Variants in PEX39 observed in about 807,000 individuals in gnomAD.
PEX39 encodes peroxin-39.
chr6:42,890,511 G>A, the PEX39 span: 1 of 1,552,984 alleles, frequency 6.4e-7, no homozygotes, highest in South Asian at 1.2e-5. Context: ...CCATGAAGAA[G>A]GCGCAGTCGC....
the PEX39 span, chr6:42,890,389 G>A: frequency 8.0e-7 from 1 of 1,256,864 alleles, no homozygotes; most frequent in Non-Finnish European, 1.1e-6. Context: ...AGTTGAGACA[G>A]GTCAGGACGA....
At chr6:42,890,624 C>A in the PEX39 span, 1 of 1,612,506 alleles carries the variant, frequency 6.2e-7, no homozygotes, top group Non-Finnish European at 8.5e-7. Context: ...TGGGCCTCCG[C>A]GGCAGCCGGG....
the PEX39 span, chr6:42,890,382 T>C: frequency 8.4e-7 from 1 of 1,187,072 alleles, no homozygotes; most frequent in Non-Finnish European, 1.1e-6. Flanking sequence ...CAAGTCTAGT[T>C]GAGACAGGTC....
the PEX39 span, chr6:42,890,774 G>A: frequency 2.5e-6 from 4 of 1,591,320 alleles, no homozygotes; most frequent in South Asian, 3.4e-5. Flanking sequence ...ATTGGGGACT[G>A]CGGGGACGCT....
chr6:42,890,644 G>T, the PEX39 span: 1 of 1,612,712 alleles, frequency 6.2e-7, no homozygotes, highest in South Asian at 1.1e-5. Context: ...GACGCTGTGG[G>T]TTCGCCGTGG....
chr6:42,890,346 C>T, the PEX39 span: 13 of 746,380 alleles, frequency 1.7e-5, no homozygotes, highest in East Asian at 2.9e-4. Flanking sequence ...AATGTAAATG[C>T]AAAACCCCCA....
chr6:42,890,604 T>A, the PEX39 span: 1 of 1,612,004 alleles, frequency 6.2e-7, no homozygotes, highest in African/African-American at 1.3e-5. Flanking sequence ...AGCCGCGGCC[T>A]CCCAGGGCTT....
chr6:42,890,683 C>G, the PEX39 span: 2 of 1,612,814 alleles, frequency 1.2e-6, no homozygotes, highest in South Asian at 2.2e-5. Context: ...TTCTCCAGGC[C>G]CGGGAGTTCC....
At chr6:42,890,707 C>G in the PEX39 span, 18 of 1,611,752 alleles carry the variant, frequency 1.1e-5, no homozygotes, top group Admixed American at 1.7e-5. Flanking sequence ...CCCTGCTGGA[C>G]CAGCTGCAGG....
At chr6:42,890,353 C>T in the PEX39 span, 1 of 814,852 alleles carries the variant, frequency 1.2e-6, no homozygotes, top group African/African-American at 1.8e-5. Context: ...ATGCAAAACC[C>T]CCATGGTGGT....
At chr6:42,890,703 T>G in the PEX39 span, 1 of 1,612,086 alleles carries the variant, frequency 6.2e-7, no homozygotes, top group Non-Finnish European at 8.5e-7. Context: ...CTGGCCCTGC[T>G]GGACCAGCTG....
chr6:42,890,753 C>T, the PEX39 span: 3 of 1,604,546 alleles, frequency 1.9e-6, no homozygotes, highest in East Asian at 4.5e-5. Context: ...AGGCAGAGGC[C>T]GGGGCCGAGC....
At chr6:42,890,588 A>G in the PEX39 span, 3 of 1,611,614 alleles carry the variant, frequency 1.9e-6, no homozygotes, top group South Asian at 1.1e-5. Context: ...GAAGGGACTC[A>G]GCCAAAGCCG....
At chr6:42,890,401 A>G in the PEX39 span, 4 of 1,356,616 alleles carry the variant, frequency 2.9e-6, no homozygotes, top group Admixed American at 8.7e-5. Flanking sequence ...TCAGGACGAA[A>G]GCATAAAAGA....
At chr6:42,890,454 C>T in the PEX39 span, 2 of 1,496,634 alleles carry the variant, frequency 1.3e-6, no homozygotes, top group South Asian at 1.4e-5. Flanking sequence ...CCACGCCCTC[C>T]AGATCGCCGC....
At chr6:42,890,380 G>A in the PEX39 span, 1 of 1,172,890 alleles carries the variant, frequency 8.5e-7, no homozygotes, top group Non-Finnish European at 1.2e-6. Flanking sequence ...AGCAAGTCTA[G>A]TTGAGACAGG....
chr6:42,890,663 G>A, the PEX39 span: 12 of 1,612,852 alleles, frequency 7.4e-6, no homozygotes, highest in Non-Finnish European at 1.0e-5. Context: ...GGATCGCCGC[G>A]ATGTGGCGTT....
chr6:42,890,819 T>G, the PEX39 span: 2 of 1,539,080 alleles, frequency 1.3e-6, no homozygotes, highest in East Asian at 2.3e-5. Flanking sequence ...CGGCGTGTAA[T>G]GCAGAGAAGC....
At chr6:42,890,705 G>T in the PEX39 span, 1 of 1,612,024 alleles carries the variant, frequency 6.2e-7, no homozygotes, top group South Asian at 1.1e-5. Context: ...GGCCCTGCTG[G>T]ACCAGCTGCA....
Sources: gnomAD v4.1 joint callset for allele counts on GRCh38, gnomAD v4.1.1 for gene constraint, MANE v1.5 for transcripts, NCBI Gene and HGNC (gene_info 2026-07-23, HGNC 2026-07-21) for gene names.